MCU: variants seen among roughly 807,000 people sequenced by gnomAD.
MCU encodes mitochondrial calcium uniporter.
A neutral mutation model predicts 45.2 loss-of-function variants in MCU; 12 were observed. That is an observed-to-expected ratio of 0.27 (90% CI 0.17 to 0.43). The LOEUF (loss-of-function observed/expected upper bound fraction) is 0.43. Among genes scored for constraint, MCU ranks in the 20% least tolerant of loss-of-function variants. The pLI, the probability that MCU is intolerant of heterozygous loss-of-function variation, is 1.00. For missense variants in MCU, 324 were observed against 436.7 expected (o/e 0.74, Z 2.30); for synonymous variants, 160 against 165.1 (o/e 0.97, Z 0.24).
intron 1 of MCU, among the ~76,000 whole-genome samples, chr10:72,819,364 CA>C (rs1844674602): frequency 6.6e-6 from 1 of 152,214 alleles, no homozygotes; most frequent in Non-Finnish European, 1.5e-5. Context: ...TTAGCCCTTT[CA>C]TTAATTGTTG....
intron 6 of MCU, among the ~76,000 whole-genome samples, chr10:72,878,056 C>A (rs16930153): frequency 0.039 from 5,923 of 151,360 alleles, 393 homozygotes; most frequent in African/African-American, 0.14. Context: ...ATAAATCATC[C>A]CTGGGAGGAG....
At chr10:72,873,899 T>C (rs2132889601) in intron 6 of MCU, among the ~76,000 whole-genome samples, 1 of 152,332 alleles carries the variant, frequency 6.6e-6, no homozygotes, top group African/African-American at 2.4e-5. Flanking sequence ...TTGTCAAAGA[T>C]GATTGGCTAT....
intron 1 of MCU, among the ~76,000 whole-genome samples, chr10:72,825,200 C>G (rs573686091): frequency 6.6e-6 from 1 of 152,256 alleles, no homozygotes; most frequent in Admixed American, 6.5e-5. Flanking sequence ...TTCTTTTTCT[C>G]CCTTAATTTT....
At chr10:72,785,202 C>T (rs527835353) in intron 1 of MCU, among the ~76,000 whole-genome samples, 1 of 152,350 alleles carries the variant, frequency 6.6e-6, no homozygotes, top group East Asian at 1.9e-4. Flanking sequence ...GGCAGTGCTA[C>T]TGCCGTCACT....
chr10:72,694,625 A>C (rs559041017), intron 1 of MCU, among the ~76,000 whole-genome samples: 78 of 152,328 alleles, frequency 5.1e-4, no homozygotes, highest in Non-Finnish European at 9.6e-4. Context: ...GGTCCCTGAG[A>C]GACACTAAGG....
chr10:72,696,785 A>T (rs961221108), intron 1 of MCU, among the ~76,000 whole-genome samples: 2 of 152,120 alleles, frequency 1.3e-5, no homozygotes, highest in South Asian at 4.2e-4. Context: ...TATGCCCTTT[A>T]TCTCCTCTCC....
intron 1 of MCU, chr10:72,692,838 C>T (rs1000573219): frequency 1.3e-5 from 19 of 1,426,034 alleles, no homozygotes; most frequent in Admixed American, 1.1e-4. Flanking sequence ...CCCGAGGGGT[C>T]GGGCAGGAAG....
intron 1 of MCU, among the ~76,000 whole-genome samples, chr10:72,831,857 T>A (rs1844883819): frequency 6.6e-6 from 1 of 151,598 alleles, no homozygotes; most frequent in Non-Finnish European, 1.5e-5. Context: ...CAGGGAAGAG[T>A]CTAAAGGGGT....
rs1011018918 is a variant in MCU at position 72,826,201 on chromosome 10, G to A, written c.151-8158G>A. On this transcript the variant is annotated intron_variant, in intron 1 of 7. Transcript: ENST00000373053. ...GAGGTTAGAATCGACATTCTAACAAGCTCCCAGGTGATGCTGATGCCCCAG... is the reference window on the plus strand; with the variant it reads ...GAGGTTAGAATCGACATTCTAACAAACTCCCAGGTGATGCTGATGCCCCAG... 3.9e-5 allele frequency among the ~76,000 whole-genome samples: 6 copies of A among 152,242 alleles called. No individual in the cohort carries two copies. In the East Asian group the frequency reaches 1.2e-3, roughly 29 times the overall value.
intron 1 of MCU, among the ~76,000 whole-genome samples, chr10:72,733,680 C>CAT (rs139729772): frequency 2.0e-4 from 17 of 84,782 alleles, no homozygotes; most frequent in Admixed American, 1.5e-3. Context: ...ATATATGTTT[C>CAT]ATATATATAT....
intron 1 of MCU, among the ~76,000 whole-genome samples, chr10:72,782,135 G>A (rs1466337840): frequency 1.3e-5 from 2 of 152,082 alleles, no homozygotes; most frequent in African/African-American, 4.8e-5. Context: ...GAGGAACACA[G>A]CAATTGGCAG....
chr10:72,712,749 T>G (rs1042350801), intron 1 of MCU, among the ~76,000 whole-genome samples: 8 of 152,224 alleles, frequency 5.3e-5, no homozygotes, highest in African/African-American at 1.9e-4. Flanking sequence ...CAATGTATAT[T>G]CTTACTTTGA....
At chr10:72,733,433 G>C (rs534785797) in intron 1 of MCU, among the ~76,000 whole-genome samples, 13 of 152,228 alleles carry the variant, frequency 8.5e-5, no homozygotes, top group African/African-American at 2.4e-4. Context: ...CTTCAGCCTG[G>C]GCGACAGGGT....
chr10:72,773,574 A>C (rs1248814472), intron 1 of MCU, among the ~76,000 whole-genome samples: 1 of 152,186 alleles, frequency 6.6e-6, no homozygotes, highest in Admixed American at 6.5e-5. Context: ...TATTCATAGA[A>C]ATAATAACAG....
chr10:72,804,075 A>T (rs868413461), intron 1 of MCU, among the ~76,000 whole-genome samples: 895 of 55,874 alleles, frequency 0.016, 57 homozygotes, highest in African/African-American at 0.066. Context: ...TATATATATA[A>T]AATAAGAGTG....
intron 1 of MCU, among the ~76,000 whole-genome samples, chr10:72,751,115 C>G (rs1443701428): frequency 6.6e-6 from 1 of 151,956 alleles, no homozygotes; most frequent in Non-Finnish European, 1.5e-5. Flanking sequence ...TTTTTCCTGC[C>G]TCAGCCTCCC....
At chr10:72,718,392 T>G (rs894270887) in intron 1 of MCU, among the ~76,000 whole-genome samples, 2 of 152,226 alleles carry the variant, frequency 1.3e-5, no homozygotes, top group Admixed American at 1.3e-4. Context: ...TATCATATGC[T>G]AAATTGCTGG....
chr10:72,846,377 G>T (rs1205479707), intron 2 of MCU, among the ~76,000 whole-genome samples: 1 of 152,148 alleles, frequency 6.6e-6, no homozygotes, highest in African/African-American at 2.4e-5. Flanking sequence ...GCTATTCTGA[G>T]TAGTGTGATG....
rs574583729 is a variant in MCU at position 72,722,383 on chromosome 10, C to T, written c.150+30082C>T. Among the ~76,000 whole-genome samples the T allele has an allele frequency of 4.5e-4, 68 of 149,638 alleles. No homozygotes were observed. In the South Asian group the frequency reaches 0.013, roughly 28 times the overall value. Reference sequence around the variant, plus strand: ...TATGAACTAGATGCCACCTTTTCCCCTTAACCTCAGCTGTTTCTTTTTCTT... The same window carrying T: ...TATGAACTAGATGCCACCTTTTCCCTTTAACCTCAGCTGTTTCTTTTTCTT... On this transcript the variant is annotated intron_variant, in intron 1 of 7. Coordinates refer to ENST00000373053, the MANE Select transcript of MCU (RefSeq NM_138357.3).
Sources: allele counts gnomAD v4.1 joint callset (sites outside exome capture counted in the v4.1 genomes callset), GRCh38; gene constraint gnomAD v4.1.1; transcripts MANE v1.5; gene names NCBI Gene and HGNC (gene_info 2026-07-23, HGNC 2026-07-21).